The following REDIC1 variants were observed in gnomAD, a reference collection of about 807,000 sequenced individuals.
REDIC1 encodes the protein regulator of DNA class I crossover intermediates 1.
At chr12:39,689,451 A>C in the REDIC1 span, among the ~76,000 whole-genome samples, 2 of 152,210 alleles carry the variant, frequency 1.3e-5, no homozygotes, top group African/African-American at 4.8e-5. Context: ...TCTTCTGAAA[A>C]ACCTGTGATC....
At chr12:39,770,746 C>T in the REDIC1 span, among the ~76,000 whole-genome samples, 1 of 152,144 alleles carries the variant, frequency 6.6e-6, no homozygotes, top group East Asian at 1.9e-4. Flanking sequence ...GTTAACACCA[C>T]CTTACCCTAA....
the REDIC1 span, chr12:39,691,923 C>A: frequency 1.3e-6 from 1 of 785,358 alleles, no homozygotes; most frequent in Non-Finnish European, 1.8e-6. Context: ...TAAAAATAAA[C>A]CATGTTGAAC....
chr12:39,906,998 A>C, the REDIC1 span, among the ~76,000 whole-genome samples: 1 of 152,166 alleles, frequency 6.6e-6, no homozygotes, highest in Non-Finnish European at 1.5e-5. Context: ...GATTTTTTCC[A>C]GTGTATATAG....
chr12:39,750,408 A>G, the REDIC1 span, among the ~76,000 whole-genome samples: 1 of 152,322 alleles, frequency 6.6e-6, no homozygotes, highest in South Asian at 2.1e-4. Flanking sequence ...AATGAAACAA[A>G]AGAGGACACA....
the REDIC1 span, among the ~76,000 whole-genome samples, chr12:39,812,804 G>C: frequency 1.3e-4 from 20 of 149,502 alleles, no homozygotes; most frequent in African/African-American, 3.7e-4. Context: ...TTTAGGGGGT[G>C]GGGGGACAAA....
chr12:39,800,190 A>T, the REDIC1 span, among the ~76,000 whole-genome samples: 1 of 152,182 alleles, frequency 6.6e-6, no homozygotes, highest in Non-Finnish European at 1.5e-5. Context: ...GCAGAAAGGT[A>T]ATTGGTGCTG....
At chr12:39,830,072 A>G in the REDIC1 span, 12 of 1,612,442 alleles carry the variant, frequency 7.4e-6, no homozygotes, top group Non-Finnish European at 1.0e-5. Flanking sequence ...AAATATTATT[A>G]TATATTCGTA....
chr12:39,651,917 C>G, the REDIC1 span, among the ~76,000 whole-genome samples: 1 of 152,100 alleles, frequency 6.6e-6, no homozygotes, highest in African/African-American at 2.4e-5. Flanking sequence ...GTACCTATCC[C>G]AAAGCAACCA....
the REDIC1 span, among the ~76,000 whole-genome samples, chr12:39,813,125 G>A: frequency 1.5e-4 from 22 of 146,076 alleles, no homozygotes; most frequent in Admixed American, 7.1e-4. Context: ...GATTACAGGC[G>A]TGACCCACTG....
the REDIC1 span, among the ~76,000 whole-genome samples, chr12:39,726,469 A>G: frequency 6.6e-6 from 1 of 152,120 alleles, no homozygotes; most frequent in Non-Finnish European, 1.5e-5. Context: ...AGCTTCATCC[A>G]TGTCCCTGCA....
At chr12:39,711,351 GTA>G in the REDIC1 span, among the ~76,000 whole-genome samples, 14 of 145,566 alleles carry the variant, frequency 9.6e-5, no homozygotes, top group Admixed American at 7.6e-4. Flanking sequence ...ACATCTATAT[GTA>G]TATATACATA....
At chr12:39,650,224 A>C in the REDIC1 span, 6 of 1,550,020 alleles carry the variant, frequency 3.9e-6, no homozygotes, top group Non-Finnish European at 5.2e-6. This position sits in a 1 kb window ranked among gnomAD's most constrained non-coding sequence, Gnocchi z 4.3. Context: ...AGTTTCTTCA[A>C]ATTTTTTTTT....
the REDIC1 span, among the ~76,000 whole-genome samples, chr12:39,768,699 C>T: frequency 4.8e-4 from 73 of 151,668 alleles, no homozygotes; most frequent in South Asian, 5.2e-3. Flanking sequence ...TTGTGATGCC[C>T]GACAACAATT....
the REDIC1 span, chr12:39,764,354 C>A: frequency 9.3e-7 from 1 of 1,071,138 alleles, no homozygotes; most frequent in Non-Finnish European, 1.3e-6. Flanking sequence ...ATACTTATAA[C>A]AGCAAAATAT....
At chr12:39,675,018 G>A in the REDIC1 span, among the ~76,000 whole-genome samples, 2 of 152,174 alleles carry the variant, frequency 1.3e-5, no homozygotes, top group Admixed American at 6.5e-5. Flanking sequence ...TAGTGGGGAG[G>A]CTCATAGCCT....
the REDIC1 span, among the ~76,000 whole-genome samples, chr12:39,691,155 G>A: frequency 2.0e-5 from 3 of 152,102 alleles, no homozygotes; most frequent in African/African-American, 4.8e-5. Flanking sequence ...GATTTTTATG[G>A]ACCAGGACCG....
At chr12:39,719,281 T>C in the REDIC1 span, among the ~76,000 whole-genome samples, 1 of 152,216 alleles carries the variant, frequency 6.6e-6, no homozygotes, top group South Asian at 2.1e-4. Flanking sequence ...TAATTACATT[T>C]TAAATGTGTA....
the REDIC1 span, among the ~76,000 whole-genome samples, chr12:39,892,945 TAA>T: frequency 3.3e-5 from 5 of 152,224 alleles, no homozygotes; most frequent in Admixed American, 3.3e-4. Flanking sequence ...ATGTTTATAT[TAA>T]TTTATCAAAC....
At chr12:39,694,123 C>G in the REDIC1 span, among the ~76,000 whole-genome samples, 2 of 152,138 alleles carry the variant, frequency 1.3e-5, no homozygotes, top group African/African-American at 2.4e-5. Context: ...CTTTTGCCCC[C>G]TTGGGTTTTG....
Sources: gnomAD v4.1 joint callset for allele counts (sites outside exome capture counted in the v4.1 genomes callset) on GRCh38, gnomAD v4.1.1 for gene constraint, Gnocchi (gnomAD v3.1) non-coding constraint, MANE v1.5 for transcripts, NCBI Gene and HGNC (gene_info 2026-07-23, HGNC 2026-07-21) for gene names.